The following PKLR variants were observed in gnomAD, a reference collection of about 807,000 sequenced individuals.
PKLR encodes the protein pyruvate kinase L/R.
Under a neutral mutation model 53.6 loss-of-function variants are expected in PKLR, and 38 were observed. That is an observed-to-expected ratio of 0.71 (90% confidence interval 0.55 to 0.93). The LOEUF (loss-of-function observed/expected upper bound fraction) is 0.93, where lower values mean the gene tolerates loss of function less well. Among genes scored for constraint, PKLR ranks in the 40% least tolerant of loss-of-function variants. The pLI is 0.00. For missense variants in PKLR, 702 were observed against 787.3 expected, an observed-to-expected ratio of 0.89 and a Z score of 1.30; for synonymous variants, 328 against 316.2, an observed-to-expected ratio of 1.04 and a Z score of -0.39.
At chr1:155,305,837 G>A (rs1308637970), upstream of PKLR, among the ~76,000 whole-genome samples, 1 of 148,660 alleles carries the variant, frequency 6.7e-6, no homozygotes, top group African/African-American at 2.5e-5. Flanking sequence ...TAGAGATGGA[G>A]TTTCACCACG....
rs138476691 is a variant in PKLR, at chr1:155,294,358, G to T, written c.993C>A (p.Asp331Glu). 159 of 1,613,962 alleles carry T rather than the reference G, an allele frequency of 9.9e-5. No homozygotes were observed. Among genetic ancestry groups the T allele is most frequent in the Admixed American group, 3.8e-4 (23 of 59,982 alleles). The change falls in exon 7 of 11, where the codon GAC becomes GAA. Residue 331 changes from aspartate (D) to glutamate (E), a missense_variant. Transcript: ENST00000342741. ...KRFDEILEVS[D>E]GIMVARGDLG... The stretch of plus-strand genomic sequence containing the variant: ...GGTCCCCCCGTGCCACCATGATGCC[G>T]TCGCTCACCTCCAGGATTTCATCAA...
chr1:155,291,332 C>A (rs190003534), intron 10 of PKLR, among the ~76,000 whole-genome samples: 3 of 152,094 alleles, frequency 2.0e-5, no homozygotes, highest in Non-Finnish European at 4.4e-5. Context: ...CCTGTCTCTA[C>A]TAAAAATACA....
Position 155,295,608 on chromosome 1 carries a change from G to A in PKLR, c.376-40C>T. ...GGAGCGAGGGTTTCAGGGGAAGGTG[G>A]CCAGGACCTCGAGGCATCCTCCTGC... On this transcript the variant is annotated intron_variant, in intron 3 of 10. Transcript: ENST00000342741. The surrounding 1 kb of genome is among the most constrained non-coding windows in gnomAD (Gnocchi z 4.3). 1 of 1,614,018 alleles carries A rather than the reference G, an allele frequency of 6.2e-7. No individual in the cohort carries two copies. The highest frequency in any genetic ancestry group is 2.2e-5 in the East Asian group (1 of 44,868).
intron 9 of PKLR, 81 bp from the exon 10 acceptor site, chr1:155,292,018 G>T: frequency 7.3e-7 from 1 of 1,364,454 alleles, no homozygotes; most frequent in African/African-American, 1.4e-5. Context: ...CCAGTTCCAG[G>T]TGTCACTAAC....
intron 2 of PKLR, among the ~76,000 whole-genome samples, chr1:155,298,958 CTTTCTTTCTTT>C (rs1557962921): frequency 1.3e-3 from 26 of 20,410 alleles, no homozygotes; most frequent in South Asian, 5.5e-3. Flanking sequence ...TCACTCCTTT[CTTTCTTTCTTT>C]CTTTCTTTCT....
In PKLR at chr1:155,293,901, G is replaced by A. The variant is rs1229441058; in HGVS notation, c.1117-311C>T. On this transcript the variant is annotated intron_variant, in intron 7 of 10. Coordinates refer to ENST00000342741, the MANE Select transcript of PKLR (RefSeq NM_000298.6). The surrounding 1 kb of genome is among the most constrained non-coding windows in gnomAD (Gnocchi z 4.2). ...TAATCCCAGCACTTTGGGAGGCCGA[G>A]GCGAGTAGATCACCTGAGGTCAGGA... 1.3e-5 allele frequency among the ~76,000 whole-genome samples: 2 copies of A among 152,190 alleles called. No homozygotes were observed. The highest frequency in any genetic ancestry group is 2.4e-5 in the African/African-American group (1 of 41,436).
the PKLR span, chr1:155,308,430 C>G: frequency 1.3e-5 from 5 of 396,612 alleles, no homozygotes; most frequent in Non-Finnish European, 1.7e-5. Context: ...TATTACCACC[C>G]TCATTCAACA....
intron 2 of PKLR, among the ~76,000 whole-genome samples, chr1:155,298,065 TA>T (rs1046913209): frequency 2.0e-5 from 3 of 152,118 alleles, no homozygotes; most frequent in African/African-American, 7.2e-5. Context: ...CTTTTTTTTT[TA>T]GATGGAATCT....
upstream of PKLR, chr1:155,301,477 AC>A: frequency 5.0e-6 from 8 of 1,605,468 alleles, no homozygotes; most frequent in Non-Finnish European, 6.8e-6. Context: ...TCTAAGGGAG[AC>A]AGAGAAGAGA....
At position 155,295,627 on chromosome 1, in the gene PKLR, C is replaced by T. The variant is rs778268791; in HGVS notation, c.375+38G>A. On this transcript the variant is annotated intron_variant, in intron 3 of 10. Transcript: ENST00000342741. The surrounding 1 kb of genome is among the most constrained non-coding windows in gnomAD (Gnocchi z 4.3). ...AAGGTGGCCAGGACCTCGAGGCATC[C>T]TCCTGCCCCACCCACTGCCCGGCGG... 12 of 1,613,848 alleles carry T rather than the reference C, an allele frequency of 7.4e-6. No individual in the cohort carries two copies. In the East Asian group the frequency reaches 2.2e-4, roughly 30 times the overall value.
chr1:155,296,784 G>T (rs1461194664), intron 2 of PKLR, among the ~76,000 whole-genome samples: 2 of 151,744 alleles, frequency 1.3e-5, no homozygotes, highest in African/African-American at 2.4e-5. Flanking sequence ...AAAACTCATC[G>T]CAAGAGTTAT....
At chr1:155,301,970 T>C (rs1648023966), upstream of PKLR, among the ~76,000 whole-genome samples, 1 of 152,196 alleles carries the variant, frequency 6.6e-6, no homozygotes, top group Non-Finnish European at 1.5e-5. Flanking sequence ...CACTGAAAGA[T>C]CGACTATTTT....
At chr1:155,303,360 A>G (rs891306949), upstream of PKLR, among the ~76,000 whole-genome samples, 3 of 152,234 alleles carry the variant, frequency 2.0e-5, no homozygotes, top group African/African-American at 7.2e-5. Flanking sequence ...TCATCATAGC[A>G]TTCATTAGTT....
At chr1:155,299,023 TTTCTTTCTTTC>T (rs1557963340) in intron 2 of PKLR, among the ~76,000 whole-genome samples, 14 of 74,688 alleles carry the variant, frequency 1.9e-4, no homozygotes, top group East Asian at 1.8e-3. Flanking sequence ...TCTTTCTTTC[TTTCTTTCTTTC>T]TCTTTCTTTC....
intron 2 of PKLR, among the ~76,000 whole-genome samples, chr1:155,299,818 G>T (rs369289727): frequency 1.3e-5 from 2 of 151,874 alleles, no homozygotes; most frequent in African/African-American, 4.8e-5. Context: ...ACTTTCTAAC[G>T]GAATAAATAA....
rs777145975 is a variant in PKLR, at chr1:155,293,350, G to A, written c.1270-7C>T. 1 of 1,614,246 alleles carries A rather than the reference G, an allele frequency of 6.2e-7. No homozygotes were observed. The highest frequency in any genetic ancestry group is 1.7e-5 in the Admixed American group (1 of 60,034). The stretch of plus-strand genomic sequence containing the variant: ...CCTCTGCCTCCCGGGCAATCTGCAG[G>A]TGCCAGAATGTTAGTCTGGGAAGGG... On this transcript the variant is annotated splice_polypyrimidine_tract_variant and splice_region_variant and intron_variant, in intron 8 of 10. Transcript: ENST00000342741. This position sits in a 1 kb window ranked among gnomAD's most constrained non-coding sequence, Gnocchi z 4.2.
chr1:155,308,453 T>C, the PKLR span: 1 of 601,896 alleles, frequency 1.7e-6, no homozygotes, highest in Non-Finnish European at 2.1e-6. Flanking sequence ...TGAGGAAAGC[T>C]AGTTTCAAGC....
At position 155,290,691 on chromosome 1, in the gene PKLR, A is replaced by G. The variant is rs1295023133; in HGVS notation, c.1619-13T>C. 6.6e-7 allele frequency: 1 copy of G among 1,519,382 alleles called. No homozygotes were observed. The highest frequency in any genetic ancestry group is 1.1e-5 in the South Asian group (1 of 88,984). The allele number at this position is 1,519,382 out of a possible 1,614,324, so 94.1% of individuals were successfully genotyped here. A position where few individuals can be genotyped will look rare whatever the true frequency, so the allele number is the denominator to read the frequency against. ...CCACGGAGCTTTCCTGGGGGAGGGA[A>G]AGAAAACAAATCATTGGACAGGTGT... On this transcript the variant is annotated splice_polypyrimidine_tract_variant and intron_variant, in intron 10 of 10. Transcript: ENST00000342741.
intron 7 of PKLR, 60 bp downstream of exon 7, chr1:155,294,175 T>C: frequency 6.6e-7 from 1 of 1,507,448 alleles, no homozygotes; most frequent in Non-Finnish European, 9.2e-7. Flanking sequence ...AGTGTGGGTA[T>C]TCACCCACAG....
Sources: gnomAD v4.1 joint callset for allele counts (sites outside exome capture counted in the v4.1 genomes callset) on GRCh38, gnomAD v4.1.1 for gene constraint, Gnocchi (gnomAD v3.1) non-coding constraint, MANE v1.5 for transcripts, NCBI Gene and HGNC (gene_info 2026-07-23, HGNC 2026-07-21) for gene names.